The following GTF3C3 variants were observed in gnomAD, a reference collection of about 807,000 sequenced individuals.
The protein encoded by GTF3C3 is general transcription factor 3C polypeptide 3.
In GTF3C3, 75 loss-of-function variants were observed where a neutral mutation model predicts 105.2. That is an observed-to-expected ratio of 0.71 (90% confidence interval 0.59 to 0.86). The LOEUF (loss-of-function observed/expected upper bound fraction) is 0.86. Ranked by LOEUF, GTF3C3 falls within the 40% of genes least tolerant of loss-of-function variation. The pLI, the probability that GTF3C3 is intolerant of heterozygous loss-of-function variation, is 0.00. For synonymous variants in GTF3C3, 335 were observed against 370.4 expected, an observed-to-expected ratio of 0.90 and a Z score of 1.10; for missense variants, 856 against 1,076.5, an observed-to-expected ratio of 0.80 and a Z score of 2.87.
chr2:196,773,282 C>T (rs566239784), intron 13 of GTF3C3, 129 bp from the exon 14 acceptor site: 22 of 662,312 alleles, frequency 3.3e-5, no homozygotes, highest in Admixed American at 7.6e-5. Flanking sequence ...CAGTGCTCTC[C>T]GGACAAAGAT....
At chr2:196,767,630 A>T (rs1047106836) in intron 16 of GTF3C3, among the ~76,000 whole-genome samples, 1 of 152,226 alleles carries the variant, frequency 6.6e-6, no homozygotes, top group Non-Finnish European at 1.5e-5. Flanking sequence ...TATACAAATC[A>T]TACTTTCTGC....
At chr2:196,793,442 G>A (rs2125751558) in intron 2 of GTF3C3, among the ~76,000 whole-genome samples, 1 of 152,142 alleles carries the variant, frequency 6.6e-6, no homozygotes, top group Middle Eastern at 3.4e-3. Context: ...AAAAATAGAA[G>A]AATTATAAGA....
intron 9 of GTF3C3, among the ~76,000 whole-genome samples, chr2:196,779,372 C>T (rs770674374): frequency 6.6e-6 from 1 of 152,094 alleles, no homozygotes; most frequent in Non-Finnish European, 1.5e-5. Flanking sequence ...AAGTGATCTA[C>T]CCTCCTCGGC....
chr2:196,772,085 C>G (rs547043600), intron 14 of GTF3C3, 147 bp from the exon 15 acceptor site: 1 of 601,536 alleles, frequency 1.7e-6, no homozygotes, highest in South Asian at 2.1e-5. Context: ...CTATTTAAAG[C>G]AAAACTCTCC....
intron 10 of GTF3C3, chr2:196,777,985 G>A (rs979540940): frequency 6.6e-6 from 1 of 152,108 alleles, no homozygotes; most frequent in Admixed American, 6.6e-5. Flanking sequence ...TATTACATTT[G>A]TATTCATATT....
chr2:196,773,050 A>G lies in GTF3C3; in HGVS notation c.1935T>C (p.Ala645=), dbSNP rs1699202005. Residue 645 remains alanine (A), a synonymous_variant, in exon 14 of 18, where the codon GCT becomes GCC. Coordinates refer to ENST00000263956, the MANE Select transcript of GTF3C3 (RefSeq NM_012086.5). ...SLCDLSRFQE[A]ELLVDSSLEY... ...CCAATGAGGAATCTACAAGCAACTC[A>G]GCCTCTTGAAATCGGGATAGGTCAC... is the stretch of plus-strand genomic sequence containing the variant. The G allele has an allele frequency of 6.2e-7, 1 of 1,612,410 alleles. No homozygotes were observed. Among genetic ancestry groups the G allele is most frequent in the Admixed American group, 1.7e-5 (1 of 60,002 alleles).
In GTF3C3 at chr2:196,799,683, T is replaced by C; in HGVS notation, c.-72A>G. 1 of 1,108,716 alleles carries C rather than the reference T, an allele frequency of 9.0e-7. No individual in the cohort carries two copies. Among genetic ancestry groups the C allele is most frequent in the South Asian group, 1.3e-5 (1 of 78,744 alleles). The allele number at this position is 1,108,716 out of a possible 1,614,324, so 68.7% of individuals were successfully genotyped here. ...CGGAAGAGCAGCGCCTTCCAGAAGC[T>C]ACCTCGCCGGGGCCAGCAAGAGCAA... On this transcript the variant is annotated 5_prime_UTR_variant, in exon 1 of 18. Transcript: ENST00000263956.
intron 8 of GTF3C3, among the ~76,000 whole-genome samples, chr2:196,784,569 C>G (rs1295562475): frequency 6.6e-6 from 1 of 151,958 alleles, no homozygotes; most frequent in Non-Finnish European, 1.5e-5. Flanking sequence ...TGATAAACTT[C>G]AGTAATTCGT....
At chr2:196,780,507 A>C (rs769777388) in intron 9 of GTF3C3, 52 bp downstream of exon 9, 5 of 1,576,838 alleles carry the variant, frequency 3.2e-6, no homozygotes, top group African/African-American at 1.3e-5. Flanking sequence ...TCTAAAGAAA[A>C]GAGATGGTGC....
chr2:196,781,357 A>AAAAAATATAT lies in GTF3C3; in HGVS notation c.1115-696_1115-695insATATATTTTT. Among the ~76,000 whole-genome samples the AAAAAATATAT allele has an allele frequency of 3.4e-3, 63 of 18,778 alleles. 1 individual carries two copies. The highest frequency in any genetic ancestry group is 5.9e-3 in the African/African-American group (57 of 9,628). The allele number at this position is 18,778 out of a possible 152,430, so 12.3% of individuals were successfully genotyped here. ...ATGTTAAGGGGAAAAAAAAAAAAAAAATATATATATATATATATATATATA... is the reference window on the plus strand; with the variant it reads ...ATGTTAAGGGGAAAAAAAAAAAAAAAAAAAATATATATATATATATATATATATATATATA... On this transcript the variant is annotated intron_variant, in intron 8 of 17. Transcript: ENST00000263956.
In GTF3C3 at chr2:196,789,269, A is replaced by G. The variant is rs749490213; in HGVS notation, c.828T>C (p.Arg276=). ...DHKMAMDGYR[R]ILNLLSPSDG... ...CAGATGGAGACAAAAGGTTTAAAATACGCCTATAACCATCCATGGCCATTT... is the reference window on the plus strand; with the variant it reads ...CAGATGGAGACAAAAGGTTTAAAATGCGCCTATAACCATCCATGGCCATTT... Residue 276 remains arginine (R), a synonymous_variant, in exon 6 of 18, where the codon CGT becomes CGC. Coordinates refer to ENST00000263956, the MANE Select transcript of GTF3C3 (RefSeq NM_012086.5). The G allele has an allele frequency of 6.2e-7, 1 of 1,613,576 alleles. No individual in the cohort carries two copies. The highest frequency in any genetic ancestry group is 8.5e-7 in the Non-Finnish European group (1 of 1,179,740).
chr2:196,763,670 A>G lies in GTF3C3; in HGVS notation c.*893T>C, dbSNP rs1426543443. On this transcript the variant is annotated 3_prime_UTR_variant, in exon 18 of 18. Transcript: ENST00000263956. The stretch of plus-strand genomic sequence containing the variant: ...CTGGGTGTTACTAACCCATGTGCAC[A>G]TTAATTACAGCATTTATTTTTCCCT... 1 of 152,226 alleles carries G rather than the reference A, an allele frequency of 6.6e-6. No homozygotes were observed. The highest frequency in any genetic ancestry group is 6.5e-5 in the Admixed American group (1 of 15,284). The allele number at this position is 152,226 out of a possible 1,614,324, so 9.4% of individuals were successfully genotyped here. A position where few individuals can be genotyped will look rare whatever the true frequency, so the allele number is the denominator to read the frequency against.
intron 14 of GTF3C3, 123 bp downstream of exon 14, chr2:196,772,793 G>A (rs2125740640): frequency 1.7e-6 from 1 of 598,280 alleles, no homozygotes. Flanking sequence ...ACTGCCTCTG[G>A]GAATCACCAA....
At chr2:196,775,306 G>C in intron 12 of GTF3C3, 55 bp from the exon 13 acceptor site, 1 of 1,509,080 alleles carries the variant, frequency 6.6e-7, no homozygotes, top group Non-Finnish European at 9.0e-7. Context: ...TTTGTTTAGA[G>C]ACAAAGTCTT....
Position 196,776,517 on chromosome 2 carries a change from CT to C in GTF3C3, c.1502del (p.Gln501ArgfsTer22), listed in dbSNP as rs1249977565. 6.2e-7 allele frequency: 1 copy of C among 1,614,152 alleles called. No individual in the cohort carries two copies. ...GAGCTTTCTCAGGCTGGCCCAGCTG[CT>C]GCTGAAGGGTAGAAAGTGAAATCCT... ...DARISLSTLQ[Q>X]QLGQPEKALE... On this transcript the variant is annotated frameshift_variant, in exon 11 of 18. Transcript: ENST00000263956. LOFTEE classifies it high-confidence loss of function. The surrounding 1 kb of genome is among the most constrained non-coding windows in gnomAD (Gnocchi z 4.5).
At chr2:196,797,378 C>G (rs951275174) in intron 2 of GTF3C3, among the ~76,000 whole-genome samples, 1 of 152,192 alleles carries the variant, frequency 6.6e-6, no homozygotes, top group African/African-American at 2.4e-5. Context: ...ATGAGGGCAA[C>G]CAACTTGCCT....
At position 196,789,829 on chromosome 2, in the gene GTF3C3, C is replaced by G. The variant is rs375818832; in HGVS notation, c.727+50G>C. 1.3e-4 allele frequency: 146 copies of G among 1,155,324 alleles called. No homozygotes were observed. The African/African-American group carries it at 2.2e-3, about 17-fold the overall frequency. The allele number at this position is 1,155,324 out of a possible 1,614,324, so 71.6% of individuals were successfully genotyped here. ...ATAGCAAATACAATGATCAAAAAAC[C>G]TATTATGTAACAGCTTGTAAAAGTG... On this transcript the variant is annotated intron_variant, in intron 5 of 17. Transcript: ENST00000263956.
chr2:196,768,142 C>T (rs1197185455), intron 16 of GTF3C3, among the ~76,000 whole-genome samples: 2 of 152,216 alleles, frequency 1.3e-5, no homozygotes, highest in Non-Finnish European at 2.9e-5. Flanking sequence ...CTCAGCCTCC[C>T]GAGTAGCTGG....
chr2:196,781,902 C>T (rs1452722918), intron 8 of GTF3C3, among the ~76,000 whole-genome samples: 1 of 152,178 alleles, frequency 6.6e-6, no homozygotes, highest in Non-Finnish European at 1.5e-5. Flanking sequence ...TAGACAGTAG[C>T]TAAAGTCACC....
Sources: allele counts gnomAD v4.1 joint callset (sites outside exome capture counted in the v4.1 genomes callset), GRCh38; gene constraint gnomAD v4.1.1; non-coding constraint Gnocchi (gnomAD v3.1); transcripts MANE v1.5; gene names NCBI Gene and HGNC (gene_info 2026-07-23, HGNC 2026-07-21).